Variants in VRTN observed in about 807,000 individuals in gnomAD.
VRTN encodes vertnin.
In VRTN, 5 loss-of-function variants were observed where a neutral mutation model predicts 18.2. That is an observed-to-expected ratio of 0.27 (90% CI 0.14 to 0.58). The LOEUF is 0.58. VRTN is among the 20% of genes least tolerant of loss of function. The pLI, the probability that VRTN is intolerant of heterozygous loss-of-function variation, is 0.91. For missense variants in VRTN, 741 were observed against 939.4 expected, an observed-to-expected ratio of 0.79 and a Z score of 2.76; for synonymous variants, 381 against 393.7, an observed-to-expected ratio of 0.97 and a Z score of 0.38.
intron 1 of VRTN, among the ~76,000 whole-genome samples, chr14:74,330,239 C>A (rs555565575): frequency 2.0e-5 from 3 of 151,768 alleles, no homozygotes; most frequent in African/African-American, 7.3e-5. Flanking sequence ...AAACACTTTT[C>A]TAAAGAAATG....
At chr14:74,350,828 A>G (rs984071413) in intron 1 of VRTN, among the ~76,000 whole-genome samples, 10 of 152,208 alleles carry the variant, frequency 6.6e-5, no homozygotes. Context: ...ACCACTGAAA[A>G]GCCTGAACTC....
intron 2 of VRTN, among the ~76,000 whole-genome samples, chr14:74,338,640 A>G (rs1486716566): frequency 6.6e-6 from 1 of 151,636 alleles, no homozygotes; most frequent in Middle Eastern, 3.2e-3. Context: ...CTGAAGCCTC[A>G]AACTCCTGGG....
intron 1 of VRTN, among the ~76,000 whole-genome samples, chr14:74,326,450 T>A (rs573529127): frequency 3.9e-5 from 6 of 152,094 alleles, no homozygotes; most frequent in Non-Finnish European, 8.8e-5. Flanking sequence ...CTGGCTTGAA[T>A]GTTCACAGCC....
At chr14:74,333,886 TAAC>T (rs1190185620) in intron 1 of VRTN, among the ~76,000 whole-genome samples, 2 of 151,990 alleles carry the variant, frequency 1.3e-5, no homozygotes, top group East Asian at 3.9e-4. Context: ...TAAAACAACA[TAAC>T]AACATTTGAG....
At chr14:74,335,892 C>A (rs1374736986) in intron 1 of VRTN, among the ~76,000 whole-genome samples, 1 of 151,586 alleles carries the variant, frequency 6.6e-6, no homozygotes, top group Non-Finnish European at 1.5e-5. Flanking sequence ...AGATATGAAC[C>A]ACTAGGCCCA....
chr14:74,338,507 A>G lies in VRTN; in HGVS notation c.-2+623A>G, dbSNP rs73311212. ...TGCGTTCACTCTTTGTGTGTCTTCCACAGAGCTGAGTATAATGCCTACACA... is the reference window on the plus strand; with the variant it reads ...TGCGTTCACTCTTTGTGTGTCTTCCGCAGAGCTGAGTATAATGCCTACACA... On this transcript the variant is annotated intron_variant, in intron 2 of 2. Transcript: ENST00000557177. Among the ~76,000 whole-genome samples the G allele has an allele frequency of 5.3e-3, 813 of 152,354 alleles. 6 individuals carry two copies. Among genetic ancestry groups the G allele is most frequent in the African/African-American group, 0.018 (750 of 41,588 alleles).
At chr14:74,352,848 A>G (rs1454891763) in intron 1 of VRTN, among the ~76,000 whole-genome samples, 2 of 152,254 alleles carry the variant, frequency 1.3e-5, no homozygotes, top group Admixed American at 6.5e-5. Flanking sequence ...AGAAAGGATA[A>G]TGGTCCCTCC....
At chr14:74,318,484 T>C (rs2085432216) in intron 1 of VRTN, among the ~76,000 whole-genome samples, 1 of 152,106 alleles carries the variant, frequency 6.6e-6, no homozygotes, top group African/African-American at 2.4e-5. Context: ...TTGGTCAGGC[T>C]GTTCTTGAAC....
intron 1 of VRTN, among the ~76,000 whole-genome samples, chr14:74,318,099 G>T (rs1258350980): frequency 2.0e-5 from 3 of 152,198 alleles, no homozygotes; most frequent in Non-Finnish European, 4.4e-5. Context: ...AGCCTGGGCA[G>T]CAGGGTAAGA....
chr14:74,348,980 C>A (rs1033377295), intron 1 of VRTN, among the ~76,000 whole-genome samples: 2 of 151,906 alleles, frequency 1.3e-5, no homozygotes, highest in Admixed American at 6.6e-5. Flanking sequence ...AGGTTGGATC[C>A]CTCGTCCCTG....
chr14:74,310,951 A>G (rs1203069160), intron 1 of VRTN, among the ~76,000 whole-genome samples: 1 of 151,634 alleles, frequency 6.6e-6, no homozygotes, highest in Non-Finnish European at 1.5e-5. Flanking sequence ...TTGACCTCCA[A>G]AAGTGGTGGG....
intron 1 of VRTN, among the ~76,000 whole-genome samples, chr14:74,309,255 C>T (rs968875802): frequency 2.0e-5 from 3 of 152,074 alleles, no homozygotes; most frequent in Non-Finnish European, 4.4e-5. Context: ...TCATTCATGC[C>T]TCTCTCGCTC....
At chr14:74,329,380 C>A (rs1217643362) in intron 1 of VRTN, among the ~76,000 whole-genome samples, 1 of 152,102 alleles carries the variant, frequency 6.6e-6, no homozygotes, top group Non-Finnish European at 1.5e-5. Context: ...TCCTGAGTAG[C>A]TGGGACTACA....
At chr14:74,303,377 C>T (rs764058732) in intron 1 of VRTN, among the ~76,000 whole-genome samples, 1 of 152,102 alleles carries the variant, frequency 6.6e-6, no homozygotes, top group Non-Finnish European at 1.5e-5. Flanking sequence ...ATGGCAAGAC[C>T]CCGCCTTTAC....
intron 2 of VRTN, among the ~76,000 whole-genome samples, chr14:74,339,204 G>A (rs1301193569): frequency 3.3e-5 from 5 of 152,044 alleles, no homozygotes; most frequent in African/African-American, 9.7e-5. Flanking sequence ...TTTCCTCAGG[G>A]CCAAGTAGTG....
chr14:74,358,815 T>A lies in VRTN; in HGVS notation c.2032T>A (p.Phe678Ile). 1 of 1,614,236 alleles carries A rather than the reference T, an allele frequency of 6.2e-7. No homozygotes were observed. The highest frequency in any genetic ancestry group is 8.5e-7 in the Non-Finnish European group (1 of 1,180,032). The change falls in exon 2 of 2, where the codon TTT becomes ATT. Residue 678 changes from phenylalanine to isoleucine, a missense_variant. Around this residue, in one of 3 missense-constraint regions of VRTN, gnomAD observed 61 missense variants for 104.6 expected, o/e 0.58. Coordinates refer to ENST00000256362, the MANE Select transcript of VRTN (RefSeq NM_018228.3). The surrounding 1 kb of genome is among the most constrained non-coding windows in gnomAD (Gnocchi z 5.4). The stretch of plus-strand genomic sequence containing the variant: ...CTCCTACAAGGAGTTCAGTGCCCTC[T>A]TTCCCCTCACTGCCCGCTCCACATA... ...FPSYKEFSAL[F>I]PLTARSTYYM... is the part of the protein sequence containing the mutation.
intron 1 of VRTN, among the ~76,000 whole-genome samples, chr14:74,329,623 G>A (rs1327366618): frequency 6.6e-6 from 1 of 151,212 alleles, no homozygotes; most frequent in Admixed American, 6.6e-5. Flanking sequence ...CTGTTGCCCA[G>A]GCTGGAGTGC....
chr14:74,357,688 A>G lies in VRTN; in HGVS notation c.905A>G (p.Gln302Arg). Residue 302 changes from glutamine to arginine, a missense_variant, in exon 2 of 2, where the codon CAG becomes CGG. By Grantham distance (43) the Gln-to-Arg change is conservative. This residue lies in a region of VRTN where 494 missense variants were observed against 546.5 expected (regional missense o/e 0.90). Transcript: ENST00000256362. This position sits in a 1 kb window ranked among gnomAD's most constrained non-coding sequence, Gnocchi z 7.8. ...AGCACCTTCTACCGCTGGCGGCGGC[A>G]GTCCCAGGAGCACCGGCAGAAGGTT... ...TKSTFYRWRR[Q>R]SQEHRQKVAA... The G allele has an allele frequency of 6.2e-7, 1 of 1,613,596 alleles. No individual in the cohort carries two copies. Among genetic ancestry groups the G allele is most frequent in the East Asian group, 2.2e-5 (1 of 44,890 alleles).
At position 74,357,417 on chromosome 14, in the gene VRTN, G is replaced by C. The variant is rs999328448; in HGVS notation, c.634G>C (p.Asp212His). The change falls in exon 2 of 2, where the codon GAC becomes CAC. Residue 212 changes from aspartate (D) to histidine (H), a missense_variant. Around this residue, in one of 3 missense-constraint regions of VRTN, gnomAD observed 186 missense variants for 288.3 expected, o/e 0.65. Transcript: ENST00000256362. This position sits in a 1 kb window ranked among gnomAD's most constrained non-coding sequence, Gnocchi z 7.8. Reference sequence around the variant, plus strand: ...CCGTGTCATCCGGCCCCGCCGCTGCGACCACGTGCCCTCCACGCTGCACAT... The same window carrying C: ...CCGTGTCATCCGGCCCCGCCGCTGCCACCACGTGCCCTCCACGCTGCACAT... ...FNRVIRPRRC[D>H]HVPSTLHIMW... The C allele has an allele frequency of 6.2e-7, 1 of 1,612,664 alleles. No individual in the cohort carries two copies. The highest frequency in any genetic ancestry group is 8.5e-7 in the Non-Finnish European group (1 of 1,179,998).
Sources: allele counts gnomAD v4.1 joint callset (sites outside exome capture counted in the v4.1 genomes callset), GRCh38; gene constraint gnomAD v4.1.1; regional missense constraint gnomAD v4.1.1; non-coding constraint Gnocchi (gnomAD v3.1); transcripts MANE v1.5; gene names NCBI Gene and HGNC (gene_info 2026-07-23, HGNC 2026-07-21).